THSD7B: variants seen among roughly 807,000 people sequenced by gnomAD.
THSD7B encodes thrombospondin type 1 domain containing 7B.
Under a neutral mutation model 213.6 loss-of-function variants are expected in THSD7B, and 138 were observed. The ratio of observed to expected loss-of-function variants is 0.65; its 90% CI spans 0.56 to 0.74. THSD7B has a LOEUF of 0.74. THSD7B is among the 30% of genes least tolerant of loss of function. THSD7B has a pLI of 0.00. For synonymous variants in THSD7B, 742 were observed against 687.0 expected, an observed-to-expected ratio of 1.08 and a Z score of -1.25; for missense variants, 1,931 against 1,991.5, an observed-to-expected ratio of 0.97 and a Z score of 0.58.
At chr2:137,305,822 G>A (rs1458015734) in intron 12 of THSD7B, among the ~76,000 whole-genome samples, 3 of 152,038 alleles carry the variant, frequency 2.0e-5, no homozygotes, top group Non-Finnish European at 4.4e-5. Flanking sequence ...GTACTTACAT[G>A]ACACACATCT....
chr2:136,925,448 C>A (rs1182148903), intron 2 of THSD7B, among the ~76,000 whole-genome samples: 1 of 152,134 alleles, frequency 6.6e-6, no homozygotes, highest in African/African-American at 2.4e-5. Context: ...TTTTGTCCTT[C>A]ATTTTGTTAA....
At chr2:137,127,661 A>G (rs1262569090) in intron 5 of THSD7B, among the ~76,000 whole-genome samples, 1 of 152,152 alleles carries the variant, frequency 6.6e-6, no homozygotes, top group African/African-American at 2.4e-5. Context: ...TCAGGCCTGT[A>G]ATCTCAGCAC....
intron 9 of THSD7B, among the ~76,000 whole-genome samples, chr2:137,238,494 G>A (rs1285712504): frequency 8.7e-6 from 1 of 114,774 alleles, no homozygotes; most frequent in Admixed American, 9.5e-5. Flanking sequence ...AGAGTAGCTT[G>A]TTTAAATAAC....
chr2:136,800,929 AAACTCTT>A (rs937225650), intron 1 of THSD7B, among the ~76,000 whole-genome samples: 19 of 152,150 alleles, frequency 1.2e-4, no homozygotes, highest in African/African-American at 4.3e-4. Context: ...CTTACCAAGT[AAACTCTT>A]AACTCTTAAC....
rs187513371 is a variant in THSD7B at position 137,482,659 on chromosome 2, G to A, written c.3138+31636G>A. Among the ~76,000 whole-genome samples the A allele has an allele frequency of 2.3e-3, 350 of 152,134 alleles. 1 individual carries two copies. Among genetic ancestry groups the A allele is most frequent in the African/African-American group, 8.0e-3 (330 of 41,444 alleles). On this transcript the variant is annotated intron_variant, in intron 15 of 27. Coordinates refer to ENST00000409968, the MANE Select transcript of THSD7B (RefSeq NM_001316349.2). ...GGCAGTAGCTTTCCCAGCTTGAAAG[G>A]CTCAATAGCCACCTAAAGAAAACTG...
intron 5 of THSD7B, among the ~76,000 whole-genome samples, chr2:137,129,990 A>G (rs1438211915): frequency 6.6e-6 from 1 of 152,210 alleles, no homozygotes; most frequent in Non-Finnish European, 1.5e-5. Context: ...GAGGACAGTT[A>G]TAAGAATATG....
At chr2:136,819,444 CT>C (rs1222199882) in intron 1 of THSD7B, among the ~76,000 whole-genome samples, 1 of 152,192 alleles carries the variant, frequency 6.6e-6, no homozygotes, top group African/African-American at 2.4e-5. Context: ...CACCCTCCCC[CT>C]TCTTTTTCCC....
intron 2 of THSD7B, among the ~76,000 whole-genome samples, chr2:137,020,921 T>C (rs1186210130): frequency 6.6e-6 from 1 of 152,150 alleles, no homozygotes; most frequent in African/African-American, 2.4e-5. Flanking sequence ...GATGGGAGTT[T>C]AAGGAGGAAG....
At chr2:137,330,442 C>T (rs1008759809) in intron 12 of THSD7B, among the ~76,000 whole-genome samples, 4 of 152,286 alleles carry the variant, frequency 2.6e-5, no homozygotes, top group African/African-American at 7.2e-5. Context: ...AGAATGAAGC[C>T]GTGGACCCTC....
chr2:137,663,435 G>GT lies in THSD7B; in HGVS notation c.4514dup (p.Leu1506ProfsTer13). On this transcript the variant is annotated frameshift_variant, in exon 26 of 28. Transcript: ENST00000409968. LOFTEE classifies it high-confidence loss of function. ...TATACAGAGATAATGAAATCAAATG[G>GT]TTTCCTGGATTACTGCATGAAAGTA... The GT allele has an allele frequency of 6.3e-7, 1 of 1,594,844 alleles. No individual in the cohort carries two copies. Among genetic ancestry groups the GT allele is most frequent in the Non-Finnish European group, 8.5e-7 (1 of 1,169,646 alleles).
At chr2:136,826,670 T>C (rs987243588) in intron 1 of THSD7B, among the ~76,000 whole-genome samples, 2 of 152,110 alleles carry the variant, frequency 1.3e-5, no homozygotes, top group Non-Finnish European at 2.9e-5. Flanking sequence ...TGTGCTTTTT[T>C]TGCATTCTAA....
At chr2:137,082,472 T>C (rs1194515326) in intron 3 of THSD7B, among the ~76,000 whole-genome samples, 2 of 152,092 alleles carry the variant, frequency 1.3e-5, no homozygotes, top group African/African-American at 2.4e-5. Context: ...TAGGTTTTTC[T>C]TTTCAGTGCA....
At chr2:136,982,223 C>T (rs77471707) in intron 2 of THSD7B, among the ~76,000 whole-genome samples, 2,246 of 152,178 alleles carry the variant, frequency 0.015, 36 homozygotes, top group East Asian at 0.075. Flanking sequence ...TATTCTTAAA[C>T]CTTCTGATCC....
chr2:137,077,483 A>G (rs542208609), intron 3 of THSD7B, among the ~76,000 whole-genome samples: 1 of 152,142 alleles, frequency 6.6e-6, no homozygotes, highest in Admixed American at 6.5e-5. Context: ...CCTCTCCAGC[A>G]CCTGTTGTTT....
At chr2:137,360,369 CAGGGTG>C (rs1284536561) in intron 12 of THSD7B, among the ~76,000 whole-genome samples, 3 of 152,112 alleles carry the variant, frequency 2.0e-5, no homozygotes, top group African/African-American at 7.2e-5. Flanking sequence ...ACTGGTCAGA[CAGGGTG>C]CACCCTACGG....
At chr2:137,131,809 A>C (rs1291851510) in intron 5 of THSD7B, among the ~76,000 whole-genome samples, 2 of 152,200 alleles carry the variant, frequency 1.3e-5, no homozygotes, top group Non-Finnish European at 2.9e-5. Flanking sequence ...GAAGTCAGGT[A>C]GCGTGATGCC....
intron 3 of THSD7B, among the ~76,000 whole-genome samples, chr2:137,088,591 C>A (rs1687885850): frequency 7.2e-6 from 1 of 138,678 alleles, no homozygotes; most frequent in South Asian, 2.5e-4. Flanking sequence ...TGACCAAGAG[C>A]CCAAAAGCAA....
intron 12 of THSD7B, among the ~76,000 whole-genome samples, chr2:137,281,694 GT>G (rs1359732695): frequency 1.3e-5 from 2 of 151,916 alleles, no homozygotes; most frequent in African/African-American, 4.8e-5. Flanking sequence ...GAGAATGATG[GT>G]TTCCAGCTTC....
At chr2:137,442,027 C>T (rs935947379) in intron 14 of THSD7B, among the ~76,000 whole-genome samples, 1 of 151,854 alleles carries the variant, frequency 6.6e-6, no homozygotes, top group Non-Finnish European at 1.5e-5. Context: ...TATTTTTTGA[C>T]CCTCACAGCA....
Sources: allele counts gnomAD v4.1 joint callset (sites outside exome capture counted in the v4.1 genomes callset), GRCh38; gene constraint gnomAD v4.1.1; transcripts MANE v1.5; gene names NCBI Gene and HGNC (gene_info 2026-07-23, HGNC 2026-07-21).